The following TLN2 variants were observed in gnomAD, a reference collection of about 807,000 sequenced individuals.
The protein encoded by TLN2 is talin-2.
A neutral mutation model predicts 294.7 loss-of-function variants in TLN2; 118 were observed. The ratio of observed to expected loss-of-function variants is 0.40; its 90% CI spans 0.34 to 0.47. The LOEUF (loss-of-function observed/expected upper bound fraction) is 0.47. Among genes scored for constraint, TLN2 ranks in the 20% least tolerant of loss-of-function variants. The pLI is 0.84. For synonymous variants in TLN2, 1,431 were observed against 1,304.5 expected, an observed-to-expected ratio of 1.10 and a Z score of -2.09; for missense variants, 3,083 against 3,282.2, an observed-to-expected ratio of 0.94 and a Z score of 1.48.
chr15:62,706,449 T>G (rs1299918055), intron 19 of TLN2, among the ~76,000 whole-genome samples: 1 of 152,238 alleles, frequency 6.6e-6, no homozygotes, highest in Non-Finnish European at 1.5e-5. Context: ...TCTGTAATAA[T>G]TTAATTCCTA....
chr15:62,567,616 C>G (rs1255363798), intron 1 of TLN2, among the ~76,000 whole-genome samples: 1 of 151,548 alleles, frequency 6.6e-6, no homozygotes, highest in Non-Finnish European at 1.5e-5. Flanking sequence ...GGGTGGATCA[C>G]TTGAGGGCAG....
intron 50 of TLN2, among the ~76,000 whole-genome samples, chr15:62,804,331 C>T (rs965251440): frequency 7.9e-5 from 12 of 152,296 alleles, no homozygotes; most frequent in African/African-American, 1.4e-4. Context: ...GGCATGGCAG[C>T]GCACGCCTGT....
intron 1 of TLN2, among the ~76,000 whole-genome samples, chr15:62,503,407 A>G (rs992809073): frequency 9.9e-5 from 15 of 152,094 alleles, no homozygotes; most frequent in Admixed American, 5.9e-4. Flanking sequence ...CGAATCCTCC[A>G]CTTCAACTTT....
intron 1 of TLN2, among the ~76,000 whole-genome samples, chr15:62,568,647 G>A (rs1416899197): frequency 6.6e-6 from 1 of 152,160 alleles, no homozygotes; most frequent in Admixed American, 6.5e-5. Flanking sequence ...GTTTCTTTGG[G>A]TAGTCTCTGC....
At chr15:62,784,092 GAC>G in intron 45 of TLN2, 5 of 839,548 alleles carry the variant, frequency 6.0e-6, no homozygotes, top group Non-Finnish European at 8.8e-6. Context: ...TTATGGGGCA[GAC>G]TGGCCAAGAA....
At chr15:62,548,607 A>T (rs928214032) in intron 1 of TLN2, among the ~76,000 whole-genome samples, 2 of 152,204 alleles carry the variant, frequency 1.3e-5, no homozygotes, top group Admixed American at 6.5e-5. Context: ...CCTGACATTT[A>T]TTCCGCCTAA....
intron 1 of TLN2, among the ~76,000 whole-genome samples, chr15:62,535,491 C>CAT (rs397820173): frequency 6.6e-6 from 1 of 150,638 alleles, no homozygotes; most frequent in African/African-American, 2.4e-5. Flanking sequence ...CACACACACA[C>CAT]CCCTCTCTCT....
intron 1 of TLN2, among the ~76,000 whole-genome samples, chr15:62,566,334 GGGATTATAGGA>G (rs2043391170): frequency 1.3e-5 from 2 of 152,094 alleles, no homozygotes; most frequent in African/African-American, 4.8e-5. Context: ...ACCAGGCACT[GGGATTATAGGA>G]GTGACTCAGA....
chr15:62,506,533 C>T (rs2039631261), intron 1 of TLN2, among the ~76,000 whole-genome samples: 1 of 152,220 alleles, frequency 6.6e-6, no homozygotes, highest in African/African-American at 2.4e-5. Flanking sequence ...GATGAGAGCC[C>T]TCCTGCCAGG....
At chr15:62,755,284 C>T in intron 36 of TLN2, 2 of 442,770 alleles carry the variant, frequency 4.5e-6, no homozygotes, top group Non-Finnish European at 8.0e-6. Flanking sequence ...TTAAGACTAC[C>T]TGGGGCTCAG....
chr15:62,578,684 G>A (rs905933915), intron 1 of TLN2, among the ~76,000 whole-genome samples: 2 of 152,206 alleles, frequency 1.3e-5, no homozygotes, highest in African/African-American at 4.8e-5. Context: ...TCCAGGTAGA[G>A]AGCTGAGAGG....
chr15:62,457,319 C>T (rs1298431175), intron 1 of TLN2, among the ~76,000 whole-genome samples: 1 of 152,182 alleles, frequency 6.6e-6, no homozygotes, highest in Non-Finnish European at 1.5e-5. Context: ...CTTAACAGGG[C>T]ACTAACCTCA....
intron 2 of TLN2, among the ~76,000 whole-genome samples, chr15:62,609,999 A>G (rs1250508710): frequency 2.6e-5 from 4 of 152,184 alleles, no homozygotes. Flanking sequence ...TTCTTTGAAC[A>G]ATTCTTTACT....
At chr15:62,675,098 C>A in intron 10 of TLN2, 119 bp from the exon 11 acceptor site, 1 of 887,478 alleles carries the variant, frequency 1.1e-6, no homozygotes, top group Non-Finnish European at 1.8e-6. Flanking sequence ...TCAGACACAA[C>A]CATCACTTAA....
At chr15:62,533,546 A>C (rs1394095266) in intron 1 of TLN2, among the ~76,000 whole-genome samples, 1 of 152,168 alleles carries the variant, frequency 6.6e-6, no homozygotes, top group African/African-American at 2.4e-5. Context: ...ATCTATATAG[A>C]AGGAGAGGGA....
At chr15:62,784,081 C>T in intron 45 of TLN2, 191 bp downstream of exon 45, 1 of 963,794 alleles carries the variant, frequency 1.0e-6, no homozygotes. Context: ...CTCACTGCCC[C>T]TTATGGGGCA....
chr15:62,424,581 A>C (rs1595772154), intron 1 of TLN2, among the ~76,000 whole-genome samples: 1 of 151,986 alleles, frequency 6.6e-6, no homozygotes, highest in African/African-American at 2.4e-5. Flanking sequence ...TTTAATCCAC[A>C]CCAGGGCCTA....
chr15:62,475,043 A>G (rs966601899), intron 1 of TLN2, among the ~76,000 whole-genome samples: 1 of 152,180 alleles, frequency 6.6e-6, no homozygotes, highest in Non-Finnish European at 1.5e-5. Context: ...CTTTGGGGAA[A>G]TAGAGCCAAA....
chr15:62,552,797 T>C (rs879889504), intron 1 of TLN2, among the ~76,000 whole-genome samples: 3 of 152,252 alleles, frequency 2.0e-5, no homozygotes, highest in East Asian at 1.9e-4. Context: ...TATGTATTGA[T>C]TGGCTAACAA....
Sources: allele counts gnomAD v4.1 joint callset (sites outside exome capture counted in the v4.1 genomes callset), GRCh38; gene constraint gnomAD v4.1.1; transcripts MANE v1.5; gene names NCBI Gene and HGNC (gene_info 2026-07-23, HGNC 2026-07-21).